The following SLC35D4 variants were observed in gnomAD, a reference collection of about 807,000 sequenced individuals.
SLC35D4 encodes UDP-N-acetylglucosamine transporter SLC35D4.
At chr18:23,332,751 A>AT in the SLC35D4 span, among the ~76,000 whole-genome samples, 1 of 151,580 alleles carries the variant, frequency 6.6e-6, no homozygotes, top group African/African-American at 2.4e-5. Context: ...TCAAAAATTG[A>AT]TTAAAAAAAA....
At chr18:23,282,357 ATTGT>A in the SLC35D4 span, among the ~76,000 whole-genome samples, 1 of 152,162 alleles carries the variant, frequency 6.6e-6, no homozygotes, top group Admixed American at 6.5e-5. Flanking sequence ...TTTATATGCC[ATTGT>A]TTGTTTTACT....
chr18:23,315,364 G>C, the SLC35D4 span, among the ~76,000 whole-genome samples: 1 of 144,644 alleles, frequency 6.9e-6, no homozygotes, highest in African/African-American at 2.6e-5. Context: ...TACTGAACTT[G>C]GCCCCCGTCC....
At chr18:23,321,696 C>G in the SLC35D4 span, among the ~76,000 whole-genome samples, 85 of 152,296 alleles carry the variant, frequency 5.6e-4, 1 homozygote, top group African/African-American at 1.9e-3. Context: ...CTCAAACAAC[C>G]CATCAGCCAT....
At chr18:23,271,728 G>A in the SLC35D4 span, among the ~76,000 whole-genome samples, 4 of 152,202 alleles carry the variant, frequency 2.6e-5, no homozygotes, top group Admixed American at 6.5e-5. Context: ...CCCCATCTCC[G>A]ACCTCTGGGG....
chr18:23,305,829 A>G, the SLC35D4 span, among the ~76,000 whole-genome samples: 1 of 152,228 alleles, frequency 6.6e-6, no homozygotes, highest in East Asian at 1.9e-4. Context: ...AGGCAGGGCA[A>G]TGAGCATCTA....
the SLC35D4 span, among the ~76,000 whole-genome samples, chr18:23,345,765 C>G: frequency 6.6e-6 from 1 of 150,732 alleles, no homozygotes; most frequent in Non-Finnish European, 1.5e-5. Flanking sequence ...TACATTGAAT[C>G]AATTTAGCAA....
At chr18:23,343,243 T>C in the SLC35D4 span, among the ~76,000 whole-genome samples, 3 of 152,044 alleles carry the variant, frequency 2.0e-5, no homozygotes, top group South Asian at 6.2e-4. Context: ...ATTTTATTTA[T>C]TTATATTTTT....
the SLC35D4 span, among the ~76,000 whole-genome samples, chr18:23,313,126 C>CAAACAAA: frequency 3.4e-5 from 1 of 29,472 alleles, no homozygotes; most frequent in Non-Finnish European, 6.1e-5. Context: ...GACTACATCT[C>CAAACAAA]AAAAAAAAAA....
At chr18:23,276,419 T>C in the SLC35D4 span, among the ~76,000 whole-genome samples, 1 of 151,018 alleles carries the variant, frequency 6.6e-6, no homozygotes, top group South Asian at 2.1e-4. Context: ...TATGTGTATT[T>C]TACCAGAATT....
chr18:23,328,442 G>C, the SLC35D4 span, among the ~76,000 whole-genome samples: 1 of 151,992 alleles, frequency 6.6e-6, no homozygotes, highest in Non-Finnish European at 1.5e-5. Flanking sequence ...CATGAGTGAA[G>C]TCCCATTCAC....
the SLC35D4 span, among the ~76,000 whole-genome samples, chr18:23,274,577 T>A: frequency 6.6e-6 from 1 of 152,154 alleles, no homozygotes. Flanking sequence ...AGGAGCCTGA[T>A]CAGTGGGTCC....
chr18:23,395,139 T>C, the SLC35D4 span, among the ~76,000 whole-genome samples: 6 of 152,254 alleles, frequency 3.9e-5, no homozygotes, highest in Non-Finnish European at 8.8e-5. Flanking sequence ...TGATCACCTG[T>C]GATGAAAACA....
the SLC35D4 span, among the ~76,000 whole-genome samples, chr18:23,246,700 G>A: frequency 2.0e-5 from 3 of 151,226 alleles, no homozygotes; most frequent in African/African-American, 4.9e-5. Flanking sequence ...CAGTTTTTTC[G>A]TTTTTGTTTT....
At chr18:23,281,093 A>C in the SLC35D4 span, among the ~76,000 whole-genome samples, 1 of 152,166 alleles carries the variant, frequency 6.6e-6, no homozygotes, top group East Asian at 1.9e-4. Flanking sequence ...ATAGAGACAG[A>C]AAGTGGATTT....
chr18:23,434,000 T>C, the SLC35D4 span, among the ~76,000 whole-genome samples: 1 of 152,174 alleles, frequency 6.6e-6, no homozygotes, highest in Non-Finnish European at 1.5e-5. Flanking sequence ...AGAATGAATA[T>C]GCTCATGGGG....
At chr18:23,373,657 C>T in the SLC35D4 span, 5 of 1,593,666 alleles carry the variant, frequency 3.1e-6, no homozygotes, top group African/African-American at 5.4e-5. Context: ...GTCATACACC[C>T]AGGCTTCAGA....
chr18:23,262,200 C>A, the SLC35D4 span, among the ~76,000 whole-genome samples: 1 of 152,364 alleles, frequency 6.6e-6, no homozygotes, highest in African/African-American at 2.4e-5. Flanking sequence ...GTTTACCTAG[C>A]TGCTTCATCT....
chr18:23,327,666 T>C, the SLC35D4 span, among the ~76,000 whole-genome samples: 1 of 150,900 alleles, frequency 6.6e-6, no homozygotes, highest in Non-Finnish European at 1.5e-5. Flanking sequence ...TTCCAATCAA[T>C]AGAAAAAAAA....
chr18:23,341,101 A>C, the SLC35D4 span, among the ~76,000 whole-genome samples: 1 of 152,232 alleles, frequency 6.6e-6, no homozygotes, highest in Non-Finnish European at 1.5e-5. Flanking sequence ...TGAGTGCTTT[A>C]CATCATATGT....
Sources: allele counts gnomAD v4.1 joint callset (sites outside exome capture counted in the v4.1 genomes callset), GRCh38; gene constraint gnomAD v4.1.1; transcripts MANE v1.5; gene names NCBI Gene and HGNC (gene_info 2026-07-23, HGNC 2026-07-21).